The following NSD1 variants were observed in gnomAD, a reference collection of about 807,000 sequenced individuals.
The protein encoded by NSD1 is histone-lysine N-methyltransferase, H3 lysine-36 specific.
NSD1 carries 26 observed loss-of-function variants against 242.7 expected under a neutral mutation model. That is an observed-to-expected ratio of 0.11 (90% CI 0.08 to 0.15). NSD1 has a LOEUF of 0.15. Among genes scored for constraint, NSD1 ranks in the 10% least tolerant of loss-of-function variants. The pLI, the probability that NSD1 is intolerant of heterozygous loss-of-function variation, is 1.00. For missense variants in NSD1, 2,495 were observed against 3,272.8 expected, an observed-to-expected ratio of 0.76 and a Z score of 5.80; for synonymous variants, 1,106 against 1,178.1, an observed-to-expected ratio of 0.94 and a Z score of 1.25.
chr5:177,134,946 C>G lies in NSD1; in HGVS notation c.-17-141C>G. 3 of 699,834 alleles carry G rather than the reference C, an allele frequency of 4.3e-6. No individual in the cohort carries two copies. The highest frequency in any genetic ancestry group is 2.7e-5 in the Admixed American group (1 of 37,148). The allele number at this position is 699,834 out of a possible 1,614,324, so 43.4% of individuals were successfully genotyped here. On this transcript the variant is annotated intron_variant, in intron 1 of 22. Coordinates refer to ENST00000439151, the MANE Select transcript of NSD1 (RefSeq NM_022455.5). This position sits in a 1 kb window ranked among gnomAD's most constrained non-coding sequence, Gnocchi z 4.2. ...GCTCATCGAGGCCATTTTTTCATCT[C>G]CAGTCGGGGGAACTTTTTCTGCCCA...
intron 2 of NSD1, among the ~76,000 whole-genome samples, chr5:177,159,895 A>G (rs1177134347): frequency 1.4e-5 from 2 of 138,984 alleles, no homozygotes; most frequent in African/African-American, 5.4e-5. Flanking sequence ...GGCCGAATAT[A>G]TTTTTTTTTT....
intron 5 of NSD1, among the ~76,000 whole-genome samples, chr5:177,213,846 G>A (rs959898128): frequency 3.3e-5 from 5 of 152,160 alleles, no homozygotes; most frequent in African/African-American, 1.2e-4. Flanking sequence ...ACAATATATG[G>A]TCCTTTTGGG....
chr5:177,211,877 T>G lies in NSD1; in HGVS notation c.3478T>G (p.Trp1160Gly). ...AAATCAAGTGGTGCCTAAAAAGCGG[T>G]GGCAGCGTTTAAACCAAAGGCGCAC... is the stretch of plus-strand genomic sequence containing the variant. Reference protein sequence around the residue: ...GVNQVVPKKRWQRLNQRRTKP... With the variant: ...GVNQVVPKKRGQRLNQRRTKP... The change falls in exon 5 of 23, where the codon TGG (tryptophan) becomes GGG (glycine). Residue 1160 changes from tryptophan to glycine, a missense_variant. Around this residue, in one of 19 missense-constraint regions of NSD1, gnomAD observed 426 missense variants for 411.4 expected, o/e 1.04. Coordinates refer to ENST00000439151, the MANE Select transcript of NSD1 (RefSeq NM_022455.5). The G allele has an allele frequency of 4.3e-6, 7 of 1,612,146 alleles. No individual in the cohort carries two copies. Among genetic ancestry groups the G allele is most frequent in the Non-Finnish European group, 5.9e-6 (7 of 1,179,078 alleles).
intron 9 of NSD1, among the ~76,000 whole-genome samples, chr5:177,246,158 C>T (rs1050406924): frequency 6.6e-6 from 1 of 151,522 alleles, no homozygotes; most frequent in South Asian, 2.1e-4. Flanking sequence ...TTAGTAGAGA[C>T]AGGATTTCAC....
chr5:177,201,149 A>C (rs1400794864), intron 3 of NSD1, among the ~76,000 whole-genome samples: 1 of 152,008 alleles, frequency 6.6e-6, no homozygotes, highest in Non-Finnish European at 1.5e-5. Context: ...CACCTCCCAA[A>C]GTGCTGGGAT....
intron 18 of NSD1, 125 bp from the exon 19 acceptor site, chr5:177,282,339 TA>T: frequency 1.3e-6 from 1 of 772,988 alleles, no homozygotes; most frequent in Non-Finnish European, 2.4e-6. Flanking sequence ...TATGTGTGCC[TA>T]AAATTATACT....
chr5:177,212,994 A>C (rs1191497174), intron 5 of NSD1, among the ~76,000 whole-genome samples: 1 of 152,096 alleles, frequency 6.6e-6, no homozygotes, highest in African/African-American at 2.4e-5. Flanking sequence ...AATTTGATGA[A>C]CCACATGCGC....
intron 8 of NSD1, among the ~76,000 whole-genome samples, chr5:177,240,220 C>T (rs1464935836): frequency 6.6e-6 from 1 of 152,006 alleles, no homozygotes; most frequent in Non-Finnish European, 1.5e-5. Context: ...ATTGCCGTGT[C>T]GTCGTAGCCC....
At chr5:177,273,141 C>T (rs972298112) in intron 16 of NSD1, among the ~76,000 whole-genome samples, 2 of 151,988 alleles carry the variant, frequency 1.3e-5, no homozygotes, top group African/African-American at 4.8e-5. Flanking sequence ...GCAGATGAAG[C>T]GTAGTTGTTA....
At chr5:177,159,320 G>A (rs376443813) in intron 2 of NSD1, among the ~76,000 whole-genome samples, 2 of 150,380 alleles carry the variant, frequency 1.3e-5, no homozygotes, top group South Asian at 2.1e-4. Flanking sequence ...AGTCTCACTC[G>A]GTTGTCCAGG....
chr5:177,177,495 G>C (rs1275368492), intron 2 of NSD1, among the ~76,000 whole-genome samples: 1 of 151,928 alleles, frequency 6.6e-6, no homozygotes, highest in Non-Finnish European at 1.5e-5. Context: ...GGGTGACAGA[G>C]CAAGACTCTT....
At chr5:177,157,091 G>T (rs1392357303) in intron 2 of NSD1, among the ~76,000 whole-genome samples, 1 of 151,852 alleles carries the variant, frequency 6.6e-6, no homozygotes, top group Non-Finnish European at 1.5e-5. Flanking sequence ...GTATAGGCCG[G>T]GTACGGTGGC....
At chr5:177,145,281 ATTT>A (rs371901937) in intron 2 of NSD1, among the ~76,000 whole-genome samples, 17 of 138,474 alleles carry the variant, frequency 1.2e-4, no homozygotes, top group Admixed American at 1.0e-3. Flanking sequence ...ATGTAACAAG[ATTT>A]TTTTTTTTTT....
At chr5:177,168,612 C>G (rs1231076320) in intron 2 of NSD1, among the ~76,000 whole-genome samples, 7 of 152,056 alleles carry the variant, frequency 4.6e-5, no homozygotes, top group Admixed American at 3.9e-4. Context: ...AGGTGCCCAC[C>G]ACCACGCCCA....
rs186462698 is a variant in NSD1, at chr5:177,249,008, G to A, written c.4641+684G>A. 1.8e-4 allele frequency among the ~76,000 whole-genome samples: 27 copies of A among 152,244 alleles called. 1 individual carries two copies. Among genetic ancestry groups the A allele is most frequent in the Admixed American group, 1.6e-3 (24 of 15,292 alleles). On this transcript the variant is annotated intron_variant, in intron 11 of 22. Transcript: ENST00000439151. ...CTAACCTTTAAGCTCCGTTGGACTT[G>A]GTTGGTTTAGAGTCTTAACCATTTT...
At chr5:177,225,997 A>T (rs1414328800) in intron 5 of NSD1, among the ~76,000 whole-genome samples, 1 of 152,116 alleles carries the variant, frequency 6.6e-6, no homozygotes, top group Non-Finnish European at 1.5e-5. Flanking sequence ...TCACTCTCAT[A>T]TCCATGCATA....
chr5:177,167,298 A>G (rs1759284615), intron 2 of NSD1, among the ~76,000 whole-genome samples: 2 of 151,566 alleles, frequency 1.3e-5, no homozygotes, highest in African/African-American at 4.8e-5. Context: ...GCACTTTGGG[A>G]GGCCGAGGTG....
intron 2 of NSD1, among the ~76,000 whole-genome samples, chr5:177,145,549 C>G (rs1386419923): frequency 6.6e-6 from 1 of 152,266 alleles, no homozygotes; most frequent in East Asian, 1.9e-4. Flanking sequence ...TGAGCCACCT[C>G]AGCCGCGAAT....
chr5:177,168,745 G>A (rs911951586), intron 2 of NSD1, among the ~76,000 whole-genome samples: 1 of 152,276 alleles, frequency 6.6e-6, no homozygotes, highest in Admixed American at 6.5e-5. Flanking sequence ...GCTGGCATGA[G>A]CCACCATGCC....
Sources: gnomAD v4.1 joint callset for allele counts (sites outside exome capture counted in the v4.1 genomes callset) on GRCh38, gnomAD v4.1.1 for gene constraint, gnomAD v4.1.1 regional missense constraint, Gnocchi (gnomAD v3.1) non-coding constraint, MANE v1.5 for transcripts, NCBI Gene and HGNC (gene_info 2026-07-23, HGNC 2026-07-21) for gene names.